The following ARID4A variants were observed in gnomAD, a reference collection of about 807,000 sequenced individuals.
ARID4A encodes the protein AT-rich interactive domain-containing protein 4A.
ARID4A carries 39 observed loss-of-function variants against 148.6 expected under a neutral mutation model. The ratio of observed to expected loss-of-function variants is 0.26; its 90% CI spans 0.20 to 0.34. ARID4A has a LOEUF of 0.34. ARID4A is among the 10% of genes least tolerant of loss of function. The pLI, the probability that ARID4A is intolerant of heterozygous loss-of-function variation, is 1.00. For synonymous variants in ARID4A, 475 were observed against 481.2 expected, an observed-to-expected ratio of 0.99 and a Z score of 0.17; for missense variants, 1,265 against 1,449.1, an observed-to-expected ratio of 0.87 and a Z score of 2.06.
chr14:58,361,082 C>T (rs2035115408), intron 19 of ARID4A, 40 bp downstream of exon 19: 2 of 1,568,754 alleles, frequency 1.3e-6, no homozygotes, highest in South Asian at 1.2e-5. Context: ...GACAGCTCAC[C>T]TCTGTCAAAT....
intron 19 of ARID4A, among the ~76,000 whole-genome samples, chr14:58,361,791 G>C (rs1165816091): frequency 6.6e-6 from 1 of 152,118 alleles, no homozygotes; most frequent in African/African-American, 2.4e-5. Context: ...CATGAGGTCA[G>C]GTCTGGAATT....
intron 13 of ARID4A, 66 bp downstream of exon 13, chr14:58,346,571 C>T (rs2034374269): frequency 3.0e-6 from 3 of 1,012,242 alleles, no homozygotes; most frequent in South Asian, 1.4e-5. Context: ...TCTTATATTG[C>T]ATTATTATAT....
intron 16 of ARID4A, among the ~76,000 whole-genome samples, chr14:58,352,510 CTT>C (rs1308993905): frequency 1.3e-5 from 2 of 152,030 alleles, no homozygotes; most frequent in African/African-American, 4.8e-5. Flanking sequence ...GACTGTAACT[CTT>C]TTGTAAATGG....
intron 17 of ARID4A, among the ~76,000 whole-genome samples, chr14:58,358,204 C>T (rs1038432141): frequency 6.6e-6 from 1 of 152,144 alleles, no homozygotes; most frequent in Admixed American, 6.5e-5. Context: ...TCCAGTGGCT[C>T]ACCCCTATAA....
rs372906207 is a variant in ARID4A at position 58,364,563 on chromosome 14, C to A, written c.2474C>A (p.Ala825Asp). Reference sequence around the variant, plus strand: ...GCAGGAAGTGAACCTCATATAGAAGCTCATAGTCTTGAATTGTCTTCATTA... The same window carrying A: ...GCAGGAAGTGAACCTCATATAGAAGATCATAGTCTTGAATTGTCTTCATTA... ...NEAGSEPHIE[A>D]HSLELSSLDN... Residue 825 changes from alanine (A) to aspartate (D), a missense_variant, in exon 20 of 24, where the codon GCT becomes GAT. Physicochemically the swap from Ala to Asp is moderately radical, Grantham distance 126 (BLOSUM62 -2). Around this residue, in one of 9 missense-constraint regions of ARID4A, gnomAD observed 666 missense variants for 730.9 expected, o/e 0.91. Coordinates refer to ENST00000355431, the MANE Select transcript of ARID4A (RefSeq NM_002892.4). 10 of 1,611,262 alleles carry A rather than the reference C, an allele frequency of 6.2e-6. No individual in the cohort carries two copies. Among genetic ancestry groups the A allele is most frequent in the Non-Finnish European group, 7.6e-6 (9 of 1,179,460 alleles).
Position 58,364,247 on chromosome 14 carries a change from G to T in ARID4A, c.2158G>T (p.Glu720Ter). Residue 720 changes from glutamate to a stop codon, truncating the protein, a stop_gained, in exon 20 of 24, where the codon GAA becomes TAA. Transcript: ENST00000355431. LOFTEE classifies it high-confidence loss of function. ...LINEELSLKDELEKNENLNDD... is the reference protein window; with the variant it reads ...LINEELSLKD ...AAATGAAGAACTTTCTCTTAAAGATGAACTAGAAAAAAATGAAAATTTGAA... is the reference window on the plus strand; with the variant it reads ...AAATGAAGAACTTTCTCTTAAAGATTAACTAGAAAAAAATGAAAATTTGAA... The T allele has an allele frequency of 6.5e-7, 1 of 1,531,598 alleles. No individual in the cohort carries two copies. The highest frequency in any genetic ancestry group is 8.7e-7 in the Non-Finnish European group (1 of 1,146,850). 94.9% of individuals were successfully genotyped at this position (1,531,598 alleles called of 1,614,324 possible). A position where few individuals can be genotyped will look rare whatever the true frequency, so the allele number is the denominator to read the frequency against.
At position 58,372,563 on chromosome 14, in the gene ARID4A, T is replaced by G. The variant is rs114355066; in HGVS notation, c.*574T>G. The G allele has an allele frequency of 4.8e-6, 1 of 210,268 alleles. No homozygotes were observed. Among genetic ancestry groups the G allele is most frequent in the Non-Finnish European group, 9.7e-6 (1 of 103,220 alleles). The allele number at this position is 210,268 out of a possible 1,614,324, so 13.0% of individuals were successfully genotyped here. ...AAATAAATTGTGAAAGGAAGTGTAG[T>G]TGACTGAAAACTACAGTTGTAATAA... On this transcript the variant is annotated 3_prime_UTR_variant, in exon 24 of 24. Coordinates refer to ENST00000355431, the MANE Select transcript of ARID4A (RefSeq NM_002892.4).
intron 7 of ARID4A, among the ~76,000 whole-genome samples, chr14:58,322,276 G>A (rs552415395): frequency 2.9e-4 from 44 of 152,094 alleles, no homozygotes; most frequent in African/African-American, 9.4e-4. Context: ...AGCCGATAAT[G>A]TATATAAATT....
At position 58,365,167 on chromosome 14, in the gene ARID4A, G is replaced by C. The variant is rs750212193; in HGVS notation, c.3078G>C (p.Thr1026=). 1.9e-6 allele frequency: 3 copies of C among 1,614,056 alleles called. No individual in the cohort carries two copies. In the East Asian group the frequency reaches 6.7e-5, roughly 36 times the overall value. ...GCGTAAAAAGTGAGAGTGATATAAC[G>C]ATTGAAGTTGATAGTATTGCTGAAG... ...SRSVKSESDI[T]IEVDSIAEES... The change falls in exon 20 of 24, where the codon ACG becomes ACC. Residue 1026 remains threonine (T), a synonymous_variant. Coordinates refer to ENST00000355431, the MANE Select transcript of ARID4A (RefSeq NM_002892.4).
intron 23 of ARID4A, among the ~76,000 whole-genome samples, chr14:58,371,170 A>C (rs1191109796): frequency 6.6e-6 from 1 of 152,164 alleles, no homozygotes; most frequent in Non-Finnish European, 1.5e-5. Flanking sequence ...TGTCTTAGCT[A>C]CTTGGAAGGC....
chr14:58,364,735 T>A lies in ARID4A; in HGVS notation c.2646T>A (p.Ser882=). The A allele has an allele frequency of 6.2e-7, 1 of 1,613,820 alleles. No individual in the cohort carries two copies. Among genetic ancestry groups the A allele is most frequent in the South Asian group, 1.1e-5 (1 of 91,018 alleles). Residue 882 remains serine (S), a synonymous_variant, in exon 20 of 24, where the codon TCT becomes TCA. Coordinates refer to ENST00000355431, the MANE Select transcript of ARID4A (RefSeq NM_002892.4). ...GAATGGAAATGACAAATACTGTATC[T>A]CAAGAAAGGACCAGTGATTGTATTG... ...ENGMEMTNTV[S]QERTSDCIGS...
intron 23 of ARID4A, among the ~76,000 whole-genome samples, chr14:58,371,211 G>C (rs1330528773): frequency 6.6e-6 from 1 of 152,048 alleles, no homozygotes; most frequent in Non-Finnish European, 1.5e-5. Flanking sequence ...AGCCCCAGAG[G>C]TTGTCATGAT....
chr14:58,340,352 G>C (rs1365243283), intron 11 of ARID4A, among the ~76,000 whole-genome samples: 1 of 150,440 alleles, frequency 6.6e-6, no homozygotes, highest in Non-Finnish European at 1.5e-5. Flanking sequence ...TGGTTTTTTG[G>C]TTTTTTGGTT....
At chr14:58,317,558 G>A (rs546141153) in intron 5 of ARID4A, among the ~76,000 whole-genome samples, 1 of 150,928 alleles carries the variant, frequency 6.6e-6, no homozygotes, top group African/African-American at 2.4e-5. Flanking sequence ...CCAAAGTGCT[G>A]GGATTACAGA....
intron 18 of ARID4A, 86 bp from the exon 19 acceptor site, chr14:58,360,815 T>G: frequency 5.1e-6 from 7 of 1,379,936 alleles, no homozygotes; most frequent in African/African-American, 1.4e-5. Context: ...AAACCTTTTT[T>G]GAGATGTAGT....
At chr14:58,305,746 A>G (rs1378212241) in intron 4 of ARID4A, among the ~76,000 whole-genome samples, 2 of 152,200 alleles carry the variant, frequency 1.3e-5, no homozygotes, top group Non-Finnish European at 2.9e-5. Flanking sequence ...CTGGGCTGTC[A>G]TGCTGGACTC....
Position 58,341,458 on chromosome 14 carries a change from G to A in ARID4A, c.907-3237G>A, listed in dbSNP as rs533761285. ...AATACTACCACTGCCAGTTCATCTC[G>A]AGGAAAACCATTCATTCCCTCACTT... On this transcript the variant is annotated intron_variant, in intron 11 of 23. Transcript: ENST00000355431. Among the ~76,000 whole-genome samples, 6 of 152,250 alleles carry A rather than the reference G, an allele frequency of 3.9e-5. No individual in the cohort carries two copies. In the East Asian group the frequency reaches 7.7e-4, roughly 20 times the overall value.
At position 58,341,188 on chromosome 14, in the gene ARID4A, C is replaced by T. The variant is rs117345378; in HGVS notation, c.907-3507C>T. Among the ~76,000 whole-genome samples, 3 of 152,332 alleles carry T rather than the reference C, an allele frequency of 2.0e-5. 1 individual carries two copies. The East Asian group carries it at 5.8e-4, about 29-fold the overall frequency. ...TCCTTGTGGACTGTTATAATGGCTT[C>T]CTTTTCCCTTCCAATCCATCAAACT... On this transcript the variant is annotated intron_variant, in intron 11 of 23. Transcript: ENST00000355431.
At chr14:58,316,212 C>T (rs1000628235) in intron 5 of ARID4A, among the ~76,000 whole-genome samples, 56 of 152,094 alleles carry the variant, frequency 3.7e-4, no homozygotes, top group African/African-American at 1.4e-3. Flanking sequence ...TTTTTGTTAA[C>T]ACTGACTTAT....
Sources: gnomAD v4.1 joint callset for allele counts (sites outside exome capture counted in the v4.1 genomes callset) on GRCh38, gnomAD v4.1.1 for gene constraint, gnomAD v4.1.1 regional missense constraint, MANE v1.5 for transcripts, NCBI Gene and HGNC (gene_info 2026-07-23, HGNC 2026-07-21) for gene names.